The following LZIC variants were observed in gnomAD, a reference collection of about 807,000 sequenced individuals.
LZIC encodes the protein protein LZIC.
Under a neutral mutation model 25.4 loss-of-function variants are expected in LZIC, and 28 were observed. The ratio of observed to expected loss-of-function variants is 1.10; its 90% CI spans 0.82 to 1.51. The LOEUF (loss-of-function observed/expected upper bound fraction) is 1.51, where lower values mean the gene tolerates loss of function less well. Among genes scored for constraint, LZIC ranks in the 40% most tolerant of loss-of-function variants. The pLI, the probability that LZIC is intolerant of heterozygous loss-of-function variation, is 0.00. For synonymous variants in LZIC, 65 were observed against 70.7 expected, an observed-to-expected ratio of 0.92 and a Z score of 0.40; for missense variants, 170 against 211.1, an observed-to-expected ratio of 0.81 and a Z score of 1.21.
rs1474872441 is a variant in LZIC, at chr1:9,927,752, C to T, written c.*2647G>A. 5.5e-5 allele frequency among the ~76,000 whole-genome samples: 8 copies of T among 145,182 alleles called. No homozygotes were observed. Among genetic ancestry groups the T allele is most frequent in the East Asian group, 4.1e-4 (2 of 4,932 alleles). ...AGGCTGGAGTGCAGTGGCGCCATCTCGGCTCACCGAAACCTCTGCCTCCCA... is the reference window on the plus strand; with the variant it reads ...AGGCTGGAGTGCAGTGGCGCCATCTTGGCTCACCGAAACCTCTGCCTCCCA... On this transcript the variant is annotated 3_prime_UTR_variant, in exon 8 of 8. Transcript: ENST00000377223.
At chr1:9,937,733 A>C (rs1248832442) in intron 2 of LZIC, among the ~76,000 whole-genome samples, 1 of 150,426 alleles carries the variant, frequency 6.6e-6, no homozygotes, top group Non-Finnish European at 1.5e-5. Context: ...CTCTAGTCCC[A>C]CCTACTCAGG....
intron 7 of LZIC, 143 bp from the exon 8 acceptor site, chr1:9,930,600 G>C: frequency 3.6e-6 from 4 of 1,113,246 alleles, no homozygotes; most frequent in South Asian, 1.7e-5. Context: ...ACCCCTACAC[G>C]TTCCCATTGC....
intron 6 of LZIC, among the ~76,000 whole-genome samples, chr1:9,932,454 G>A (rs910349077): frequency 9.3e-5 from 14 of 151,326 alleles, no homozygotes; most frequent in Non-Finnish European, 1.5e-4. Context: ...AGGCTGTGGC[G>A]GGCGGATCAC....
chr1:9,933,024 G>A, intron 5 of LZIC, 126 bp from the exon 6 acceptor site: 3 of 605,806 alleles, frequency 5.0e-6, no homozygotes, highest in Non-Finnish European at 8.7e-6. Flanking sequence ...GGATCACGAG[G>A]CGGGCGGATC....
At position 9,931,978 on chromosome 1, in the gene LZIC, C is replaced by A; in HGVS notation, c.433-6G>T. 3.7e-6 allele frequency: 6 copies of A among 1,603,918 alleles called. No homozygotes were observed. Among genetic ancestry groups the A allele is most frequent in the Non-Finnish European group, 5.1e-6 (6 of 1,173,840 alleles). On this transcript the variant is annotated splice_polypyrimidine_tract_variant and splice_region_variant and intron_variant, in intron 6 of 7. Transcript: ENST00000377223. ...GCCTCATCATCTGCAGTCAGCTAAA[C>A]AAAATGAAACAAAGTCCAGTTGAGT...
At chr1:9,942,024 C>T (rs974416045) in intron 2 of LZIC, among the ~76,000 whole-genome samples, 1 of 152,112 alleles carries the variant, frequency 6.6e-6, no homozygotes, top group African/African-American at 2.4e-5. Context: ...TCAAGCAATT[C>T]TCCTGCCTCA....
At chr1:9,922,408 T>C, downstream of LZIC, 1 of 709,026 alleles carries the variant, frequency 1.4e-6, no homozygotes, top group Non-Finnish European at 1.7e-6. Flanking sequence ...TGGAGGCAAT[T>C]CACTTAAAGA....
In LZIC at chr1:9,930,256, T is replaced by A. The variant is rs758441606; in HGVS notation, c.*143A>T. On this transcript the variant is annotated 3_prime_UTR_variant, in exon 8 of 8. Coordinates refer to ENST00000377223, the MANE Select transcript of LZIC (RefSeq NM_032368.5). Reference sequence around the variant, plus strand: ...TGATGAAGAGCATAAACACAAGCCATAAGTATATTTTTATGTCGCTTTTTC... The same window carrying A: ...TGATGAAGAGCATAAACACAAGCCAAAAGTATATTTTTATGTCGCTTTTTC... The A allele has an allele frequency of 2.0e-5, 31 of 1,520,474 alleles. No individual in the cohort carries two copies. Among genetic ancestry groups the A allele is most frequent in the Non-Finnish European group, 2.5e-5 (29 of 1,137,618 alleles). The allele number at this position is 1,520,474 out of a possible 1,614,324, so 94.2% of individuals were successfully genotyped here. A position where few individuals can be genotyped will look rare whatever the true frequency, so the allele number is the denominator to read the frequency against.
At chr1:9,931,679 G>A (rs1297915604) in intron 7 of LZIC, among the ~76,000 whole-genome samples, 2 of 152,154 alleles carry the variant, frequency 1.3e-5, no homozygotes, top group Non-Finnish European at 2.9e-5. Context: ...ACGTCTACCT[G>A]ACAAGTATTT....
intron 2 of LZIC, among the ~76,000 whole-genome samples, chr1:9,941,560 C>T (rs969379007): frequency 1.2e-4 from 17 of 146,748 alleles, no homozygotes; most frequent in African/African-American, 3.8e-4. Context: ...AGTGCAGTGG[C>T]ACGATCTCGG....
downstream of LZIC, among the ~76,000 whole-genome samples, chr1:9,924,265 T>G (rs1229146446): frequency 6.6e-6 from 1 of 152,250 alleles, no homozygotes; most frequent in Non-Finnish European, 1.5e-5. Flanking sequence ...GATGCCGCTA[T>G]ATATCTAAAT....
Position 9,930,223 on chromosome 1 carries a change from A to G in LZIC, c.*176T>C. 1 of 1,465,572 alleles carries G rather than the reference A, an allele frequency of 6.8e-7. No homozygotes were observed. The highest frequency in any genetic ancestry group is 9.0e-7 in the Non-Finnish European group (1 of 1,108,244). The allele number at this position is 1,465,572 out of a possible 1,614,324, so 90.8% of individuals were successfully genotyped here. On this transcript the variant is annotated 3_prime_UTR_variant, in exon 8 of 8. Transcript: ENST00000377223. ...TCACTCAAGCAGGTAACCGCACACA[A>G]CGCACAATGATGAAGAGCATAAACA... is the stretch of plus-strand genomic sequence containing the variant.
At chr1:9,930,546 T>C in intron 7 of LZIC, 89 bp from the exon 8 acceptor site, 1 of 1,549,568 alleles carries the variant, frequency 6.5e-7, no homozygotes, top group East Asian at 2.3e-5. Flanking sequence ...ATCATATAGA[T>C]ATTAAAACAG....
chr1:9,930,106 AT>A lies in LZIC; in HGVS notation c.*292del, dbSNP rs1640145516. On this transcript the variant is annotated 3_prime_UTR_variant, in exon 8 of 8. Coordinates refer to ENST00000377223, the MANE Select transcript of LZIC (RefSeq NM_032368.5). The stretch of plus-strand genomic sequence containing the variant: ...CAACACTTAAAAACAAACAGCCTTA[AT>A]AAAAATCAAGTCCACTTTGTTTTCT... 4.4e-6 allele frequency: 5 copies of A among 1,139,658 alleles called. No individual in the cohort carries two copies. The South Asian group carries it at 9.4e-5, about 21-fold the overall frequency. The allele number at this position is 1,139,658 out of a possible 1,614,324, so 70.6% of individuals were successfully genotyped here. A position where few individuals can be genotyped will look rare whatever the true frequency, so the allele number is the denominator to read the frequency against.
At chr1:9,922,486 G>C (rs72858083), downstream of LZIC, 1,346 of 218,366 alleles carry the variant, frequency 6.2e-3, 22 homozygotes, top group African/African-American at 0.03. Context: ...CAGGCTCCAG[G>C]GGGTAGACCG....
chr1:9,935,632 A>G lies in LZIC; in HGVS notation c.102-5T>C. The stretch of plus-strand genomic sequence containing the variant: ...TCATCTGTATCAAGTTCCTCTCTGA[A>G]ATAGGTGAACATCATGATATGGAAA... On this transcript the variant is annotated splice_polypyrimidine_tract_variant and splice_region_variant and intron_variant, in intron 3 of 7. Coordinates refer to ENST00000377223, the MANE Select transcript of LZIC (RefSeq NM_032368.5). The G allele has an allele frequency of 6.3e-7, 1 of 1,595,234 alleles. No individual in the cohort carries two copies. The highest frequency in any genetic ancestry group is 8.5e-7 in the Non-Finnish European group (1 of 1,175,180).
At chr1:9,941,973 G>A (rs1337680782) in intron 2 of LZIC, among the ~76,000 whole-genome samples, 1 of 152,016 alleles carries the variant, frequency 6.6e-6, no homozygotes, top group East Asian at 1.9e-4. Context: ...ATGGAGTGCA[G>A]TGGCGCGATC....
At chr1:9,940,445 C>G (rs1485097295) in intron 2 of LZIC, among the ~76,000 whole-genome samples, 1 of 152,012 alleles carries the variant, frequency 6.6e-6, no homozygotes, top group Non-Finnish European at 1.5e-5. Context: ...TCCCAAAGTG[C>G]TGGGATTACA....
At chr1:9,931,464 G>C (rs1289172711) in intron 7 of LZIC, among the ~76,000 whole-genome samples, 1 of 151,990 alleles carries the variant, frequency 6.6e-6, no homozygotes, top group African/African-American at 2.4e-5. Flanking sequence ...GGGTTTCACT[G>C]TATTAGCCAG....
Sources: gnomAD v4.1 joint callset for allele counts (sites outside exome capture counted in the v4.1 genomes callset) on GRCh38, gnomAD v4.1.1 for gene constraint, MANE v1.5 for transcripts, NCBI Gene and HGNC (gene_info 2026-07-23, HGNC 2026-07-21) for gene names.